CLMP: variants seen among roughly 807,000 people sequenced by gnomAD.
CLMP encodes CXADR-like membrane protein.
Under a neutral mutation model 45.2 loss-of-function variants are expected in CLMP, and 27 were observed. The observed-to-expected ratio is 0.60, with a 90% CI of 0.44 to 0.82. The LOEUF is 0.82. Among genes scored for constraint, CLMP ranks in the 40% least tolerant of loss-of-function variants. The pLI, the probability that CLMP is intolerant of heterozygous loss-of-function variation, is 0.00. For missense variants in CLMP, 403 were observed against 448.4 expected (o/e 0.90, Z 0.91); for synonymous variants, 167 against 171.4 (o/e 0.97, Z 0.20).
At chr11:123,092,834 G>A (rs1385443504) in intron 2 of CLMP, among the ~76,000 whole-genome samples, 4 of 150,758 alleles carry the variant, frequency 2.7e-5, no homozygotes, top group South Asian at 4.2e-4. Flanking sequence ...TCCTGACCTC[G>A]TGATCTGCCC....
chr11:123,073,685 G>T lies in CLMP; in HGVS notation c.911C>A (p.Thr304Asn), dbSNP rs750805043. ...SRSSRSGSSSTRSTANSASRS... is the reference protein window; with the variant it reads ...SRSSRSGSSSNRSTANSASRS... ...TGAGGCACTATTTGCTGTGGAGCGA[G>T]TGGAGGAAGAACCAGAGCGTGAGCT... Residue 304 changes from threonine to asparagine, a missense_variant, in exon 7 of 7, where the codon ACT becomes AAT. Thr to Asn is a moderately conservative substitution (Grantham distance 65). Transcript: ENST00000448775. 1.9e-6 allele frequency: 3 copies of T among 1,614,234 alleles called. No homozygotes were observed. Among genetic ancestry groups the T allele is most frequent in the Non-Finnish European group, 2.5e-6 (3 of 1,180,046 alleles).
intron 1 of CLMP, among the ~76,000 whole-genome samples, chr11:123,184,789 T>C (rs1861811844): frequency 6.6e-6 from 1 of 152,222 alleles, no homozygotes. Context: ...GGAACGGGAT[T>C]TTACATGCAT....
rs1444293484 is a variant in CLMP, at chr11:123,073,781, A to G, written c.822-7T>C. ...TGGAGCTTCAGCATCTTCTCTGAAG[A>G]GAAAAAACAGCAAAGATTAACACTG... On this transcript the variant is annotated splice_polypyrimidine_tract_variant and splice_region_variant and intron_variant, in intron 6 of 6. Coordinates refer to ENST00000448775, the MANE Select transcript of CLMP (RefSeq NM_024769.5). 3.8e-6 allele frequency: 6 copies of G among 1,560,266 alleles called. No individual in the cohort carries two copies. Among genetic ancestry groups the G allele is most frequent in the Non-Finnish European group, 5.2e-6 (6 of 1,155,940 alleles).
chr11:123,088,289 GC>G (rs1263104296), intron 2 of CLMP, among the ~76,000 whole-genome samples: 1 of 152,152 alleles, frequency 6.6e-6, no homozygotes, highest in Non-Finnish European at 1.5e-5. Flanking sequence ...AGAAGGAAAT[GC>G]GTTCACAACA....
intron 1 of CLMP, among the ~76,000 whole-genome samples, chr11:123,159,760 C>T (rs920069274): frequency 2.6e-5 from 4 of 152,182 alleles, no homozygotes; most frequent in Admixed American, 1.3e-4. Context: ...CCATAATTCT[C>T]TGCCAATCCT....
intron 2 of CLMP, among the ~76,000 whole-genome samples, chr11:123,087,515 A>T (rs1380131499): frequency 6.7e-6 from 1 of 149,668 alleles, no homozygotes; most frequent in Non-Finnish European, 1.5e-5. Flanking sequence ...TCTCAAAAAA[A>T]TAAAATGAAA....
At chr11:123,123,668 T>C (rs1345308103) in intron 1 of CLMP, among the ~76,000 whole-genome samples, 1 of 152,124 alleles carries the variant, frequency 6.6e-6, no homozygotes. Flanking sequence ...GAACCCGCAA[T>C]GAGACCATGT....
chr11:123,083,873 G>T, intron 3 of CLMP, 26 bp from the exon 4 acceptor site: 1 of 1,609,356 alleles, frequency 6.2e-7, no homozygotes, highest in Non-Finnish European at 8.5e-7. Context: ...ACAAGCAAAA[G>T]TGTAGTGATT....
chr11:123,186,142 A>G (rs746654149), intron 1 of CLMP, among the ~76,000 whole-genome samples: 4 of 152,198 alleles, frequency 2.6e-5, no homozygotes, highest in Admixed American at 6.5e-5. Flanking sequence ...CCTAGGATGG[A>G]ATACCTTACC....
chr11:123,081,067 C>T (rs1429675023), intron 5 of CLMP, among the ~76,000 whole-genome samples: 2 of 151,960 alleles, frequency 1.3e-5, no homozygotes, highest in African/African-American at 2.4e-5. Context: ...GCGGGAGAAT[C>T]GCTTGAACCT....
At chr11:123,147,816 C>CT (rs34811211) in intron 1 of CLMP, among the ~76,000 whole-genome samples, 2,595 of 143,166 alleles carry the variant, frequency 0.018, 30 homozygotes, top group African/African-American at 0.033. Context: ...AAGACACTGA[C>CT]TTTTTTTTTT....
intron 1 of CLMP, among the ~76,000 whole-genome samples, chr11:123,104,935 A>C (rs558311366): frequency 1.3e-5 from 2 of 152,356 alleles, no homozygotes; most frequent in African/African-American, 4.8e-5. Context: ...AAGTAAGGGA[A>C]TAGTCTCTGC....
At chr11:123,148,643 A>G (rs1049792344) in intron 1 of CLMP, among the ~76,000 whole-genome samples, 1 of 152,206 alleles carries the variant, frequency 6.6e-6, no homozygotes, top group African/African-American at 2.4e-5. Flanking sequence ...CAGACCTTCT[A>G]AGAGATGAAC....
chr11:123,111,167 TTG>T (rs1012151870), intron 1 of CLMP, among the ~76,000 whole-genome samples: 5 of 152,150 alleles, frequency 3.3e-5, no homozygotes, highest in South Asian at 2.1e-4. Flanking sequence ...TGTGTGGTTT[TTG>T]TGTGTGTGTG....
At chr11:123,173,068 C>G (rs1299565186) in intron 1 of CLMP, among the ~76,000 whole-genome samples, 1 of 152,186 alleles carries the variant, frequency 6.6e-6, no homozygotes, top group Non-Finnish European at 1.5e-5. Flanking sequence ...AAACCCAGAG[C>G]TTCACTCTCA....
chr11:123,163,454 T>C (rs1375920571), intron 1 of CLMP, among the ~76,000 whole-genome samples: 1 of 152,158 alleles, frequency 6.6e-6, no homozygotes, highest in Non-Finnish European at 1.5e-5. Context: ...GAGCTGGAGA[T>C]AGCAGGAGCA....
chr11:123,117,771 C>T (rs114276154), intron 1 of CLMP, among the ~76,000 whole-genome samples: 2,700 of 152,176 alleles, frequency 0.018, 79 homozygotes, highest in African/African-American at 0.06. Context: ...TAATGCTGTG[C>T]GTGCCACCCT....
intron 1 of CLMP, among the ~76,000 whole-genome samples, chr11:123,155,576 C>T (rs9943479): frequency 1.3e-5 from 2 of 152,112 alleles, no homozygotes; most frequent in South Asian, 4.1e-4. Context: ...TACAAGAGGT[C>T]GAGCTAGAAT....
Position 123,103,865 on chromosome 11 carries a change from T to C in CLMP, c.29-5913A>G, listed in dbSNP as rs1233356201. ...TTTTTTTTGAGACAGAGTGTCACTC[T>C]GTTGCCCAGGCTAGAGTGCAGTCGC... On this transcript the variant is annotated intron_variant, in intron 1 of 6. Transcript: ENST00000448775. Among the ~76,000 whole-genome samples the C allele has an allele frequency of 2.0e-5, 3 of 150,476 alleles. No homozygotes were observed. The East Asian group carries it at 5.8e-4, about 29-fold the overall frequency.
Sources: allele counts gnomAD v4.1 joint callset (sites outside exome capture counted in the v4.1 genomes callset), GRCh38; gene constraint gnomAD v4.1.1; transcripts MANE v1.5; gene names NCBI Gene and HGNC (gene_info 2026-07-23, HGNC 2026-07-21).